DOT1L: variants seen among roughly 807,000 people sequenced by gnomAD.
DOT1L encodes the protein histone-lysine N-methyltransferase, H3 lysine-79 specific.
Under a neutral mutation model 153.3 loss-of-function variants are expected in DOT1L, and 33 were observed. The ratio of observed to expected loss-of-function variants is 0.22; its 90% confidence interval spans 0.16 to 0.29. DOT1L has a LOEUF of 0.29. Among genes scored for constraint, DOT1L ranks in the 10% least tolerant of loss-of-function variants. The pLI is 1.00. For missense variants in DOT1L, 1,847 were observed against 2,119.9 expected, an observed-to-expected ratio of 0.87 and a Z score of 2.53; for synonymous variants, 1,135 against 965.1, an observed-to-expected ratio of 1.18 and a Z score of -3.26.
chr19:2,193,922 C>G lies in DOT1L; in HGVS notation c.588+139C>G. The G allele has an allele frequency of 1.1e-6, 1 of 872,312 alleles. No individual in the cohort carries two copies. The highest frequency in any genetic ancestry group is 1.6e-5 in the South Asian group (1 of 61,140). The allele number at this position is 872,312 out of a possible 1,614,324, so 54.0% of individuals were successfully genotyped here. ...TTCCAGGCCCAAGACGTCTTGGTTG[C>G]CTGCAGCGTGTGCCTGTGAATAGGG... On this transcript the variant is annotated intron_variant, in intron 6 of 27. Coordinates refer to ENST00000398665, the MANE Select transcript of DOT1L (RefSeq NM_032482.3). This position sits in a 1 kb window ranked among gnomAD's most constrained non-coding sequence, Gnocchi z 5.9.
Position 2,193,925 on chromosome 19 carries a change from G to C in DOT1L, c.588+142G>C. 1.2e-6 allele frequency: 1 copy of C among 842,314 alleles called. No individual in the cohort carries two copies. Among genetic ancestry groups the C allele is most frequent in the Non-Finnish European group, 1.8e-6 (1 of 545,680 alleles). The allele number at this position is 842,314 out of a possible 1,614,324, so 52.2% of individuals were successfully genotyped here. A position where few individuals can be genotyped will look rare whatever the true frequency, so the allele number is the denominator to read the frequency against. Reference sequence around the variant, plus strand: ...CAGGCCCAAGACGTCTTGGTTGCCTGCAGCGTGTGCCTGTGAATAGGGTGC... The same window carrying C: ...CAGGCCCAAGACGTCTTGGTTGCCTCCAGCGTGTGCCTGTGAATAGGGTGC... On this transcript the variant is annotated intron_variant, in intron 6 of 27. Transcript: ENST00000398665. The surrounding 1 kb of genome is among the most constrained non-coding windows in gnomAD (Gnocchi z 5.9).
chr19:2,212,114 T>TC (rs1285827631), intron 16 of DOT1L: 2 of 398,254 alleles, frequency 5.0e-6, no homozygotes, highest in Non-Finnish European at 9.1e-6. Context: ...CAAGCAACCT[T>TC]CCCCCTAGTG....
intron 1 of DOT1L, among the ~76,000 whole-genome samples, chr19:2,168,767 A>G (rs967480643): frequency 6.6e-6 from 1 of 152,072 alleles, no homozygotes; most frequent in African/African-American, 2.4e-5. Flanking sequence ...GGCACCCGCC[A>G]CCACGCCCAG....
intron 27 of DOT1L, chr19:2,228,317 C>T (rs773991994): frequency 1.2e-5 from 16 of 1,341,866 alleles, no homozygotes; most frequent in African/African-American, 3.0e-5. Context: ...CTCCCTATGC[C>T]GCGCACCTTT....
Position 2,226,179 on chromosome 19 carries a change from C to T in DOT1L, c.3662-4C>T. 6.6e-7 allele frequency: 1 copy of T among 1,514,490 alleles called. No individual in the cohort carries two copies. The highest frequency in any genetic ancestry group is 1.3e-5 in the South Asian group (1 of 75,418). 93.8% of individuals were successfully genotyped at this position (1,514,490 alleles called of 1,614,324 possible). On this transcript the variant is annotated splice_region_variant and splice_polypyrimidine_tract_variant and intron_variant, in intron 26 of 27. Transcript: ENST00000398665. ...TCACGGCTTCTGCCTTTCCTCTTTG[C>T]CAGGTGGTGGCTTGGCGGGAAGGAA...
intron 1 of DOT1L, among the ~76,000 whole-genome samples, chr19:2,165,974 G>T (rs2019903207): frequency 6.6e-6 from 1 of 152,038 alleles, no homozygotes. Flanking sequence ...GTTTCACCGT[G>T]TTAGCCAGGA....
intron 20 of DOT1L, 22 bp downstream of exon 20, chr19:2,216,787 G>C (rs779429742): frequency 1.3e-6 from 2 of 1,573,644 alleles, no homozygotes; most frequent in Non-Finnish European, 1.7e-6. Context: ...GGTGGGGCTG[G>C]GGGTCTGCAG....
intron 25 of DOT1L, among the ~76,000 whole-genome samples, chr19:2,224,442 T>C (rs1037086152): frequency 3.3e-5 from 5 of 151,636 alleles, no homozygotes; most frequent in African/African-American, 4.8e-5. Context: ...TGAAGTGATA[T>C]AACATGGTAG....
In DOT1L at chr19:2,221,716, G is replaced by T. The variant is rs551213370; in HGVS notation, c.2807-260G>T. 2.3e-5 allele frequency: 11 copies of T among 484,800 alleles called. No homozygotes were observed. In the East Asian group the frequency reaches 3.1e-4, roughly 14 times the overall value. The allele number at this position is 484,800 out of a possible 1,614,324, so 30.0% of individuals were successfully genotyped here. ...GCCCGCACCAGGAGGCTTCTTGGGAGGCAGCGTCTCAGCCGGGACCTGCAG... is the reference window on the plus strand; with the variant it reads ...GCCCGCACCAGGAGGCTTCTTGGGATGCAGCGTCTCAGCCGGGACCTGCAG... On this transcript the variant is annotated intron_variant, in intron 23 of 27. Coordinates refer to ENST00000398665, the MANE Select transcript of DOT1L (RefSeq NM_032482.3).
At position 2,226,590 on chromosome 19, in the gene DOT1L, C is replaced by A; in HGVS notation, c.4069C>A (p.Arg1357Ser). 6.3e-7 allele frequency: 1 copy of A among 1,599,292 alleles called. No homozygotes were observed. Among genetic ancestry groups the A allele is most frequent in the Non-Finnish European group, 8.5e-7 (1 of 1,177,342 alleles). The change falls in exon 27 of 28, where the codon CGC (arginine) becomes AGC (serine). Residue 1357 changes from arginine to serine, a missense_variant. This residue lies in a region of DOT1L where 934 missense variants were observed against 825.3 expected (regional missense o/e 1.13). Coordinates refer to ENST00000398665, the MANE Select transcript of DOT1L (RefSeq NM_032482.3). Reference sequence around the variant, plus strand: ...CTCCCCGCTGAGCTTCCCCTCGCAGCGCGGCAAGGAGGGCTCGGACGCCAA... The same window carrying A: ...CTCCCCGCTGAGCTTCCCCTCGCAGAGCGGCAAGGAGGGCTCGGACGCCAA... The part of the protein sequence containing the change: ...LSSPLSFPSQ[R>S]GKEGSDANPF...
At chr19:2,173,784 T>C (rs1243594657) in intron 1 of DOT1L, among the ~76,000 whole-genome samples, 1 of 152,176 alleles carries the variant, frequency 6.6e-6, no homozygotes, top group Non-Finnish European at 1.5e-5. Context: ...CACTACGCAC[T>C]TCAAGACGGG....
Position 2,204,269 on chromosome 19 carries a change from A to G in DOT1L, c.787+1490A>G, listed in dbSNP as rs189726623. Among the ~76,000 whole-genome samples, 76 of 149,960 alleles carry G rather than the reference A, an allele frequency of 5.1e-4. No homozygotes were observed. Among genetic ancestry groups the G allele is most frequent in the African/African-American group, 9.6e-4 (39 of 40,588 alleles). On this transcript the variant is annotated intron_variant, in intron 9 of 27. Transcript: ENST00000398665. This position sits in a 1 kb window ranked among gnomAD's most constrained non-coding sequence, Gnocchi z 5.7. Reference sequence around the variant, plus strand: ...TGCGTGCCCGTGTGCCTCCGTGTCTATGTATGTGTCTGCTTGTTTGTCTGT... The same window carrying G: ...TGCGTGCCCGTGTGCCTCCGTGTCTGTGTATGTGTCTGCTTGTTTGTCTGT...
intron 13 of DOT1L, 53 bp from the exon 14 acceptor site, chr19:2,210,568 C>T: frequency 6.3e-7 from 1 of 1,596,174 alleles, no homozygotes; most frequent in South Asian, 1.1e-5. Flanking sequence ...CCCGGGAGAC[C>T]CCATGGGTGG....
chr19:2,186,132 C>T (rs2022496554), intron 3 of DOT1L, among the ~76,000 whole-genome samples: 1 of 152,242 alleles, frequency 6.6e-6, no homozygotes, highest in Admixed American at 6.5e-5. Flanking sequence ...AGAGGCCGGA[C>T]AGAATTGGAA....
rs921848589 is a variant in DOT1L, at chr19:2,230,269, C to T, written c.*477C>T. On this transcript the variant is annotated 3_prime_UTR_variant, in exon 28 of 28. Coordinates refer to ENST00000398665, the MANE Select transcript of DOT1L (RefSeq NM_032482.3). ...AACGCCGCCCGGCCGGCTCCCCCGA[C>T]GCGCTGCTCCCGTACCAAAGGCAGG... 1.2e-5 allele frequency: 5 copies of T among 426,490 alleles called. No homozygotes were observed. Among genetic ancestry groups the T allele is most frequent in the East Asian group, 3.5e-5 (1 of 28,504 alleles). 26.4% of individuals were successfully genotyped at this position (426,490 alleles called of 1,614,324 possible).
chr19:2,197,952 G>T lies in DOT1L; in HGVS notation c.652-1932G>T, dbSNP rs2023089329. On this transcript the variant is annotated intron_variant, in intron 7 of 27. Transcript: ENST00000398665. This position sits in a 1 kb window ranked among gnomAD's most constrained non-coding sequence, Gnocchi z 4.1. ...AGCAACTCTCTGTGGCTTTGCCTGT[G>T]CTCCACTTGGGAGGCTCCAAGTCCT... 6.6e-6 allele frequency among the ~76,000 whole-genome samples: 1 copy of T among 152,222 alleles called. No homozygotes were observed. Among genetic ancestry groups the T allele is most frequent in the Non-Finnish European group, 1.5e-5 (1 of 68,024 alleles).
At chr19:2,219,378 G>A (rs1177970969) in intron 22 of DOT1L, among the ~76,000 whole-genome samples, 14 of 152,152 alleles carry the variant, frequency 9.2e-5, no homozygotes, top group Admixed American at 5.9e-4. Flanking sequence ...AGCGTTGCCC[G>A]CCTCAGCAGT....
intron 27 of DOT1L, chr19:2,229,196 C>CAGCCT: frequency 1.0e-6 from 1 of 985,480 alleles, no homozygotes; most frequent in East Asian, 1.1e-4. Flanking sequence ...GTCCTGTTCA[C>CAGCCT]TCCTCCCCCA....
At chr19:2,210,997 G>A in intron 14 of DOT1L, 102 bp from the exon 15 acceptor site, 1 of 1,455,350 alleles carries the variant, frequency 6.9e-7, no homozygotes, top group South Asian at 1.2e-5. Flanking sequence ...CTTCAGGGTG[G>A]CCCCATCCTA....
Sources: gnomAD v4.1 joint callset for allele counts (sites outside exome capture counted in the v4.1 genomes callset) on GRCh38, gnomAD v4.1.1 for gene constraint, gnomAD v4.1.1 regional missense constraint, Gnocchi (gnomAD v3.1) non-coding constraint, MANE v1.5 for transcripts, NCBI Gene and HGNC (gene_info 2026-07-23, HGNC 2026-07-21) for gene names.